CORO2B: variants seen among roughly 807,000 people sequenced by gnomAD.
CORO2B encodes the protein coronin 2B, also known as coronin-2B.
In CORO2B, 26 loss-of-function variants were observed where a neutral mutation model predicts 58.8. That is an observed-to-expected ratio of 0.44 (90% CI 0.32 to 0.61). The LOEUF is 0.61. Among genes scored for constraint, CORO2B ranks in the 20% least tolerant of loss-of-function variants. The pLI, the probability that CORO2B is intolerant of heterozygous loss-of-function variation, is 0.04. For synonymous variants in CORO2B, 242 were observed against 253.8 expected (o/e 0.95, Z 0.44); for missense variants, 460 against 645.1 (o/e 0.71, Z 3.11).
chr15:68,657,176 A>G (rs1418411878), intron 2 of CORO2B, among the ~76,000 whole-genome samples: 1 of 146,582 alleles, frequency 6.8e-6, no homozygotes, highest in Non-Finnish European at 1.5e-5. Flanking sequence ...CCTTCACAGA[A>G]TAAAGTTTTT....
intron 1 of CORO2B, among the ~76,000 whole-genome samples, chr15:68,636,487 C>T (rs1272132935): frequency 1.3e-5 from 2 of 152,176 alleles, no homozygotes; most frequent in Non-Finnish European, 2.9e-5. Context: ...CCCAGCCCTG[C>T]CTGTTCCCAC....
At chr15:68,699,582 G>A (rs1239874953) in intron 3 of CORO2B, among the ~76,000 whole-genome samples, 1 of 152,082 alleles carries the variant, frequency 6.6e-6, no homozygotes, top group South Asian at 2.1e-4. Flanking sequence ...CTAAGCTCTC[G>A]CTCCAGCTGC....
At chr15:68,680,081 G>A (rs1902728425) in intron 2 of CORO2B, among the ~76,000 whole-genome samples, 1 of 152,086 alleles carries the variant, frequency 6.6e-6, no homozygotes, top group South Asian at 2.1e-4. Context: ...CGCTCTTGGT[G>A]GATGGCGGTT....
At chr15:68,549,476 A>G in the CORO2B span, among the ~76,000 whole-genome samples, 4 of 152,208 alleles carry the variant, frequency 2.6e-5, no homozygotes, top group South Asian at 8.3e-4. Context: ...TGTCCTGAGC[A>G]TGGACTTCCA....
chr15:68,574,848 T>C (rs866842562), upstream of CORO2B, among the ~76,000 whole-genome samples: 3 of 152,110 alleles, frequency 2.0e-5, no homozygotes, highest in African/African-American at 4.8e-5. Context: ...CTTTGAAAGA[T>C]GAATAGGAGT....
chr15:68,658,599 C>T (rs941242890), intron 2 of CORO2B, among the ~76,000 whole-genome samples: 1 of 152,248 alleles, frequency 6.6e-6, no homozygotes. Context: ...GATACACAGC[C>T]CTAGGTCCAC....
At chr15:68,718,273 A>G (rs1893078039) in intron 8 of CORO2B, among the ~76,000 whole-genome samples, 1 of 152,132 alleles carries the variant, frequency 6.6e-6, no homozygotes, top group Non-Finnish European at 1.5e-5. Context: ...CTCTCTCAGG[A>G]CTGGAGACAC....
intron 2 of CORO2B, among the ~76,000 whole-genome samples, chr15:68,689,120 ACC>A (rs74378110): frequency 0.89 from 135,054 of 152,024 alleles, 60,901 homozygotes; most frequent in South Asian, 0.97. Context: ...CTGTCCCAGC[ACC>A]AAGAAGGGCT....
chr15:68,600,968 A>G (rs1475662885), intron 1 of CORO2B, among the ~76,000 whole-genome samples: 1 of 152,156 alleles, frequency 6.6e-6, no homozygotes, highest in Admixed American at 6.5e-5. Context: ...AGGAATGAGT[A>G]GGGAGGAGGC....
chr15:68,674,448 C>G (rs905933117), intron 2 of CORO2B, among the ~76,000 whole-genome samples: 3 of 152,212 alleles, frequency 2.0e-5, no homozygotes, highest in Admixed American at 6.5e-5. Context: ...TCAGGTGACC[C>G]TGCTGCCCCT....
chr15:68,638,209 G>A (rs1466352489), intron 1 of CORO2B, among the ~76,000 whole-genome samples: 6 of 141,078 alleles, frequency 4.3e-5, no homozygotes, highest in Non-Finnish European at 7.7e-5. Context: ...CCTCAGCCCA[G>A]CCCAGCCCGC....
chr15:68,711,295 T>C (rs1192731348), intron 4 of CORO2B, among the ~76,000 whole-genome samples: 1 of 152,204 alleles, frequency 6.6e-6, no homozygotes, highest in Non-Finnish European at 1.5e-5. Context: ...GGAACATGTA[T>C]CCTTCTTGCT....
the CORO2B span, among the ~76,000 whole-genome samples, chr15:68,548,189 A>G: frequency 2.3e-4 from 34 of 145,144 alleles, no homozygotes; most frequent in African/African-American, 4.6e-4. Flanking sequence ...ATATATATAT[A>G]TGTGTGTGTG....
chr15:68,654,650 T>C (rs1295866328), intron 2 of CORO2B, among the ~76,000 whole-genome samples: 3 of 152,196 alleles, frequency 2.0e-5, no homozygotes, highest in Admixed American at 6.5e-5. Context: ...TGTGAAATAA[T>C]AATAGTGCAT....
intron 1 of CORO2B, among the ~76,000 whole-genome samples, chr15:68,591,984 TG>T (rs992727082): frequency 6.6e-6 from 1 of 152,180 alleles, no homozygotes; most frequent in Non-Finnish European, 1.5e-5. Context: ...CTGCCTCACC[TG>T]GTTTGAGGCT....
chr15:68,697,094 G>A lies in CORO2B; in HGVS notation c.333+1838G>A, dbSNP rs1036066493. 3.5e-4 allele frequency among the ~76,000 whole-genome samples: 54 copies of A among 152,170 alleles called. 1 individual carries two copies. The highest frequency in any genetic ancestry group is 1.3e-4 in the Non-Finnish European group (9 of 68,038). The stretch of plus-strand genomic sequence containing the variant: ...TGCTTAGTAGGTGTTGGATGGGATC[G>A]ATGGATGCATGGATGGATGGATGGA... On this transcript the variant is annotated intron_variant, in intron 3 of 11. Transcript: ENST00000261861.
At chr15:68,594,362 T>C (rs1330905978) in intron 1 of CORO2B, among the ~76,000 whole-genome samples, 1 of 152,182 alleles carries the variant, frequency 6.6e-6, no homozygotes, top group East Asian at 1.9e-4. Flanking sequence ...CAGCAAGCTG[T>C]GGGTGGATGG....
chr15:68,705,459 G>C (rs951417546), intron 3 of CORO2B, among the ~76,000 whole-genome samples: 3 of 134,784 alleles, frequency 2.2e-5, no homozygotes, highest in Non-Finnish European at 4.7e-5. Flanking sequence ...AAAAAAGAAA[G>C]TAAATGTGCA....
At chr15:68,719,299 C>A in intron 10 of CORO2B, 65 bp downstream of exon 10, 3 of 1,597,946 alleles carry the variant, frequency 1.9e-6, no homozygotes, top group Non-Finnish European at 2.6e-6. Context: ...CGCAGCTCAC[C>A]CCAGTTCTCC....
Sources: gnomAD v4.1 joint callset for allele counts (sites outside exome capture counted in the v4.1 genomes callset) on GRCh38, gnomAD v4.1.1 for gene constraint, MANE v1.5 for transcripts, NCBI Gene and HGNC (gene_info 2026-07-23, HGNC 2026-07-21) for gene names.